HECW2: variants seen among roughly 807,000 people sequenced by gnomAD.
HECW2 encodes the protein E3 ubiquitin-protein ligase HECW2.
In HECW2, 61 loss-of-function variants were observed where a neutral mutation model predicts 175.2. The observed-to-expected ratio is 0.35, with a 90% CI of 0.28 to 0.43. The LOEUF (loss-of-function observed/expected upper bound fraction) is 0.43, where lower values mean the gene tolerates loss of function less well. Ranked by LOEUF, HECW2 falls within the 20% of genes least tolerant of loss-of-function variation. HECW2 has a pLI of 1.00. For missense variants in HECW2, 1,524 were observed against 2,000.5 expected, an observed-to-expected ratio of 0.76 and a Z score of 4.54; for synonymous variants, 671 against 731.0, an observed-to-expected ratio of 0.92 and a Z score of 1.32.
At chr2:196,221,550 G>A (rs1327595065) in intron 24 of HECW2, among the ~76,000 whole-genome samples, 3 of 151,780 alleles carry the variant, frequency 2.0e-5, no homozygotes, top group African/African-American at 7.3e-5. Context: ...ATCAATTTTG[G>A]TTCTCTTTAT....
intron 1 of HECW2, among the ~76,000 whole-genome samples, chr2:196,535,899 T>G (rs965117018): frequency 2.0e-5 from 3 of 151,994 alleles, no homozygotes; most frequent in African/African-American, 7.3e-5. Context: ...GAGATCTGAG[T>G]TAACAAGTAT....
At chr2:196,209,873 CCTGCCT>C (rs1032154933) in intron 28 of HECW2, among the ~76,000 whole-genome samples, 1 of 151,898 alleles carries the variant, frequency 6.6e-6, no homozygotes, top group Non-Finnish European at 1.5e-5. Flanking sequence ...CCGCCATTCT[CCTGCCT>C]CTGCCTCCCG....
chr2:196,377,527 A>G (rs565013741), intron 2 of HECW2, among the ~76,000 whole-genome samples: 19 of 152,306 alleles, frequency 1.2e-4, no homozygotes, highest in African/African-American at 3.8e-4. Context: ...TTATAAAACC[A>G]TCAGATCTCA....
intron 15 of HECW2, among the ~76,000 whole-genome samples, chr2:196,276,547 C>G (rs4145361): frequency 6.6e-6 from 1 of 152,012 alleles, no homozygotes; most frequent in Admixed American, 6.5e-5. Context: ...TTAAAGGGCA[C>G]GGGCTATGCA....
chr2:196,233,182 C>T, intron 21 of HECW2, among the ~76,000 whole-genome samples: 1 of 152,184 alleles, frequency 6.6e-6, no homozygotes, highest in South Asian at 2.1e-4. Flanking sequence ...GTTGGTTCCA[C>T]AGCTAAAGGC....
At chr2:196,410,515 T>A (rs1695081731) in intron 2 of HECW2, among the ~76,000 whole-genome samples, 1 of 152,212 alleles carries the variant, frequency 6.6e-6, no homozygotes. Context: ...GGGAGTTTTT[T>A]AGGTCAGTCT....
intron 17 of HECW2, among the ~76,000 whole-genome samples, chr2:196,260,839 G>T (rs1400163597): frequency 1.3e-5 from 2 of 152,146 alleles, no homozygotes; most frequent in African/African-American, 2.4e-5. Flanking sequence ...GGCATCCTTG[G>T]TCTACTAGAA....
chr2:196,475,002 C>T (rs1398151201), intron 1 of HECW2, among the ~76,000 whole-genome samples: 1 of 152,156 alleles, frequency 6.6e-6, no homozygotes, highest in Admixed American at 6.5e-5. Flanking sequence ...ACGCTTAACA[C>T]AGTTTAACGA....
chr2:196,215,888 C>A lies in HECW2; in HGVS notation c.4584G>T (p.Trp1528Cys), dbSNP rs769855164. 6.2e-7 allele frequency: 1 copy of A among 1,612,916 alleles called. No homozygotes were observed. The highest frequency in any genetic ancestry group is 8.5e-7 in the Non-Finnish European group (1 of 1,178,970). ...NGPRRFCVEK[W>C]GKITALPRAH... is the part of the protein sequence containing the mutation. ...ACCTGGGAAGAGCAGTGATTTTCCC[C>A]CATTTCTCCACACAGAATCTTCTTG... The change falls in exon 28 of 29, where the codon TGG (tryptophan) becomes TGT (cysteine). Residue 1528 changes from tryptophan to cysteine, a missense_variant. Around this residue, in one of 11 missense-constraint regions of HECW2, gnomAD observed 134 missense variants for 287.8 expected, o/e 0.47. Coordinates refer to ENST00000644978, the MANE Select transcript of HECW2 (RefSeq NM_001348768.2).
intron 1 of HECW2, among the ~76,000 whole-genome samples, chr2:196,447,684 G>A (rs1696226286): frequency 6.6e-6 from 1 of 152,196 alleles, no homozygotes; most frequent in Admixed American, 6.5e-5. Flanking sequence ...CTTTATGACT[G>A]TAGTGAGAAA....
In HECW2 at chr2:196,433,230, A is replaced by C; in HGVS notation, c.194T>G (p.Met65Arg). The C allele has an allele frequency of 6.2e-7, 1 of 1,614,188 alleles. No individual in the cohort carries two copies. The highest frequency in any genetic ancestry group is 2.2e-5 in the East Asian group (1 of 44,872). The change falls in exon 2 of 29, where the codon ATG (methionine) becomes AGG (arginine). Residue 65 changes from methionine to arginine, a missense_variant. Physicochemically the swap from Met to Arg is moderately conservative, Grantham distance 91 (BLOSUM62 -1). This residue lies in a region of HECW2 where 135 missense variants were observed against 214.6 expected (regional missense o/e 0.63). Coordinates refer to ENST00000644978, the MANE Select transcript of HECW2 (RefSeq NM_001348768.2). The part of the protein sequence containing the change: ...SESRSSLTAS[M>R]YEYTLGQAQN... Reference sequence around the variant, plus strand: ...GGCTTGCCCCAGCGTGTACTCGTACATGCTGGCAGTTAAGCTGGAGCGGCT... The same window carrying C: ...GGCTTGCCCCAGCGTGTACTCGTACCTGCTGGCAGTTAAGCTGGAGCGGCT...
intron 2 of HECW2, among the ~76,000 whole-genome samples, chr2:196,371,127 A>C (rs1431249995): frequency 6.6e-6 from 1 of 152,178 alleles, no homozygotes; most frequent in Non-Finnish European, 1.5e-5. Flanking sequence ...TAAAGTCTGC[A>C]TTTTTAAACA....
chr2:196,354,436 G>A (rs1559062440), intron 2 of HECW2, among the ~76,000 whole-genome samples: 1 of 152,244 alleles, frequency 6.6e-6, no homozygotes, highest in Non-Finnish European at 1.5e-5. Flanking sequence ...CACAGTCGCA[G>A]TGGCCCTGGG....
In HECW2 at chr2:196,319,620, C is replaced by T. The variant is rs1336199103; in HGVS notation, c.1270G>A (p.Glu424Lys). The change falls in exon 9 of 29, where the codon GAA (glutamate) becomes AAA (lysine). Residue 424 changes from glutamate (E) to lysine (K), a missense_variant. Physicochemically the swap from Glu to Lys is moderately conservative, Grantham distance 56 (BLOSUM62 1). Transcript: ENST00000644978. ...DSLNDYLDAI[E>K]HNGHSRPGTA... ...CCCGGCCTGGAGTGGCCATTGTGTT[C>T]GATAGCATCTAAGTAATCATTGAGT... 2.0e-5 allele frequency: 33 copies of T among 1,614,220 alleles called. No individual in the cohort carries two copies. Among genetic ancestry groups the T allele is most frequent in the Non-Finnish European group, 2.3e-5 (27 of 1,180,040 alleles).
chr2:196,337,851 G>T (rs1359135578), intron 3 of HECW2, among the ~76,000 whole-genome samples: 2 of 152,094 alleles, frequency 1.3e-5, no homozygotes, highest in Non-Finnish European at 2.9e-5. Context: ...AGCGGCATCT[G>T]CTCTCTGAGG....
intron 2 of HECW2, among the ~76,000 whole-genome samples, chr2:196,366,412 T>A (rs987300046): frequency 6.6e-6 from 1 of 152,202 alleles, no homozygotes; most frequent in African/African-American, 2.4e-5. Flanking sequence ...AGCCAAAATA[T>A]CAGCATTGTG....
intron 19 of HECW2, among the ~76,000 whole-genome samples, chr2:196,247,318 A>G (rs946899096): frequency 2.6e-5 from 4 of 152,176 alleles, no homozygotes; most frequent in Admixed American, 6.5e-5. Flanking sequence ...TTCTTAATAC[A>G]AGTGAGGTAT....
chr2:196,504,821 T>C (rs1005760542), intron 1 of HECW2, among the ~76,000 whole-genome samples: 9 of 152,268 alleles, frequency 5.9e-5, no homozygotes, highest in South Asian at 2.1e-4. Context: ...GCTTTTTACA[T>C]AGATTATCTC....
intron 14 of HECW2, among the ~76,000 whole-genome samples, chr2:196,285,139 C>T (rs1420527420): frequency 6.6e-6 from 1 of 152,104 alleles, no homozygotes; most frequent in Non-Finnish European, 1.5e-5. Flanking sequence ...AAACAAAATA[C>T]ATTTCTTTCT....
Sources: gnomAD v4.1 joint callset for allele counts (sites outside exome capture counted in the v4.1 genomes callset) on GRCh38, gnomAD v4.1.1 for gene constraint, gnomAD v4.1.1 regional missense constraint, MANE v1.5 for transcripts, NCBI Gene and HGNC (gene_info 2026-07-23, HGNC 2026-07-21) for gene names.